SRBD1: variants seen among roughly 807,000 people sequenced by gnomAD.
SRBD1 encodes S1 RNA-binding domain-containing protein 1.
SRBD1 carries 88 observed loss-of-function variants against 115.3 expected under a neutral mutation model. That is an observed-to-expected ratio of 0.76 (90% CI 0.64 to 0.91). The LOEUF (loss-of-function observed/expected upper bound fraction) is 0.91, where lower values mean the gene tolerates loss of function less well. SRBD1 is among the 40% of genes least tolerant of loss of function. The probability of loss-of-function intolerance (pLI) is 0.00; values close to 1 mark genes in which losing one functional copy is unlikely to be tolerated. For synonymous variants in SRBD1, 509 were observed against 407.7 expected, an observed-to-expected ratio of 1.25 and a Z score of -2.99; for missense variants, 1,385 against 1,177.4, an observed-to-expected ratio of 1.18 and a Z score of -2.58.
intron 14 of SRBD1, among the ~76,000 whole-genome samples, chr2:45,493,519 A>C (rs17033745): frequency 0.14 from 21,451 of 152,142 alleles, 1,577 homozygotes; most frequent in Middle Eastern, 0.19. Flanking sequence ...CATCTTAAAA[A>C]CTTAGGTAAG....
chr2:45,486,905 T>A (rs1410503574), intron 15 of SRBD1, among the ~76,000 whole-genome samples: 1 of 152,112 alleles, frequency 6.6e-6, no homozygotes, highest in African/African-American at 2.4e-5. Flanking sequence ...CAGCTCCCAG[T>A]ATGACTACTA....
At chr2:45,446,526 C>T (rs1668828585) in intron 16 of SRBD1, among the ~76,000 whole-genome samples, 1 of 152,102 alleles carries the variant, frequency 6.6e-6, no homozygotes, top group African/African-American at 2.4e-5. Flanking sequence ...TTTCCCAAGT[C>T]TGAGTTTTCA....
chr2:45,479,778 A>C (rs1451023853), intron 15 of SRBD1, among the ~76,000 whole-genome samples: 1 of 152,226 alleles, frequency 6.6e-6, no homozygotes, highest in African/African-American at 2.4e-5. Context: ...ATGTAAACAA[A>C]ATAGCCTTCT....
chr2:45,488,190 G>T (rs975706413), intron 15 of SRBD1, 50 bp downstream of exon 15: 2 of 1,512,924 alleles, frequency 1.3e-6, no homozygotes, highest in Non-Finnish European at 1.8e-6. Flanking sequence ...CACACATGCT[G>T]CCCAAAATAT....
intron 14 of SRBD1, among the ~76,000 whole-genome samples, chr2:45,512,280 C>A (rs886436896): frequency 6.6e-6 from 1 of 152,196 alleles, no homozygotes; most frequent in Non-Finnish European, 1.5e-5. Context: ...ATAGACCATA[C>A]TTCCTTAGTT....
chr2:45,397,239 G>A (rs890427320), intron 19 of SRBD1, among the ~76,000 whole-genome samples: 1 of 152,102 alleles, frequency 6.6e-6, no homozygotes, highest in African/African-American at 2.4e-5. Context: ...TATGTAAACT[G>A]TGGGACATAA....
At chr2:45,438,172 TTAAAAA>T (rs1668558244) in intron 16 of SRBD1, among the ~76,000 whole-genome samples, 2 of 152,186 alleles carry the variant, frequency 1.3e-5, no homozygotes, top group South Asian at 4.1e-4. Flanking sequence ...TAAAACTGCT[TTAAAAA>T]TAAGTCTTGA....
chr2:45,600,512 A>G (rs78116575), intron 3 of SRBD1, among the ~76,000 whole-genome samples: 2 of 152,202 alleles, frequency 1.3e-5, no homozygotes, highest in Non-Finnish European at 2.9e-5. Flanking sequence ...ATACAACTCA[A>G]CAGGCTACAC....
At chr2:45,520,397 G>A (rs1671245506) in intron 14 of SRBD1, among the ~76,000 whole-genome samples, 1 of 152,238 alleles carries the variant, frequency 6.6e-6, no homozygotes, top group Admixed American at 6.5e-5. Flanking sequence ...GCCACAGGCT[G>A]TTTGCTTTAG....
At chr2:45,516,872 A>C (rs1161902592) in intron 14 of SRBD1, among the ~76,000 whole-genome samples, 2 of 152,174 alleles carry the variant, frequency 1.3e-5, no homozygotes, top group East Asian at 1.9e-4. Flanking sequence ...AGAATATATT[A>C]ATTGAGTCAC....
intron 19 of SRBD1, among the ~76,000 whole-genome samples, chr2:45,407,022 C>A (rs1470424669): frequency 6.6e-6 from 1 of 152,114 alleles, no homozygotes; most frequent in Non-Finnish European, 1.5e-5. Context: ...CTAGCTTTTT[C>A]ATTGTAGCCT....
chr2:45,560,232 G>A (rs537084744), intron 10 of SRBD1, among the ~76,000 whole-genome samples: 1 of 152,052 alleles, frequency 6.6e-6, no homozygotes, highest in Admixed American at 6.5e-5. Context: ...ATATAAATAA[G>A]CCATGGAAAA....
chr2:45,420,213 C>G (rs1278977705), intron 16 of SRBD1, among the ~76,000 whole-genome samples: 2 of 152,162 alleles, frequency 1.3e-5, no homozygotes, highest in East Asian at 1.9e-4. Flanking sequence ...ACACCCACAT[C>G]CAGATTCCTG....
intron 16 of SRBD1, among the ~76,000 whole-genome samples, chr2:45,446,706 A>G (rs949444225): frequency 6.6e-6 from 1 of 151,934 alleles, no homozygotes; most frequent in African/African-American, 2.4e-5. Context: ...TGGAAAAAAA[A>G]AAACCCCACA....
rs79508691 is a variant in SRBD1 at position 45,461,340 on chromosome 2, T to C, written c.2049+15653A>G. Among the ~76,000 whole-genome samples the C allele has an allele frequency of 2.6e-3, 402 of 152,346 alleles. 2 individuals carry two copies. Among genetic ancestry groups the C allele is most frequent in the African/African-American group, 9.3e-3 (387 of 41,580 alleles). On this transcript the variant is annotated intron_variant, in intron 16 of 20. Coordinates refer to ENST00000263736, the MANE Select transcript of SRBD1 (RefSeq NM_018079.5). Reference sequence around the variant, plus strand: ...CTTCCTGTCTGTTAATGGTTGGTACTTGGCACATCTGGAAAATGACGGAGT... The same window carrying C: ...CTTCCTGTCTGTTAATGGTTGGTACCTGGCACATCTGGAAAATGACGGAGT...
intron 14 of SRBD1, among the ~76,000 whole-genome samples, chr2:45,515,589 G>C (rs1212795434): frequency 1.3e-5 from 2 of 152,104 alleles, no homozygotes; most frequent in African/African-American, 4.8e-5. Context: ...TATAACTCTG[G>C]AGTCTACGCT....
chr2:45,590,489 T>C (rs1464599330), intron 4 of SRBD1, among the ~76,000 whole-genome samples: 1 of 152,174 alleles, frequency 6.6e-6, no homozygotes, highest in Non-Finnish European at 1.5e-5. Flanking sequence ...AATCCCCACG[T>C]GTCAAGGGCA....
At chr2:45,496,611 G>T (rs1260880391) in intron 14 of SRBD1, among the ~76,000 whole-genome samples, 1 of 152,102 alleles carries the variant, frequency 6.6e-6, no homozygotes, top group Non-Finnish European at 1.5e-5. Flanking sequence ...TCACTAATAT[G>T]CTTCTATACT....
chr2:45,513,591 C>T (rs899029418), intron 14 of SRBD1, among the ~76,000 whole-genome samples: 69 of 152,008 alleles, frequency 4.5e-4, no homozygotes, highest in Admixed American at 4.5e-3. Flanking sequence ...GAGTTTAGGA[C>T]CTATAAAGAA....
Sources: gnomAD v4.1 joint callset for allele counts (sites outside exome capture counted in the v4.1 genomes callset) on GRCh38, gnomAD v4.1.1 for gene constraint, MANE v1.5 for transcripts, NCBI Gene and HGNC (gene_info 2026-07-23, HGNC 2026-07-21) for gene names.